Variants in MBIP observed in about 807,000 individuals in gnomAD.
MBIP encodes MAP3K12 binding inhibitory protein 1.
MBIP carries 32 observed loss-of-function variants against 45.7 expected under a neutral mutation model. The observed-to-expected ratio is 0.70, with a 90% CI of 0.53 to 0.94. The LOEUF (loss-of-function observed/expected upper bound fraction) is 0.94, where lower values mean the gene tolerates loss of function less well. Among genes scored for constraint, MBIP ranks in the 40% least tolerant of loss-of-function variants. The pLI is 0.00. For missense variants in MBIP, 381 were observed against 405.5 expected, an observed-to-expected ratio of 0.94 and a Z score of 0.52; for synonymous variants, 145 against 141.0, an observed-to-expected ratio of 1.03 and a Z score of -0.20.
chr14:36,306,965 A>T (rs1879916778), intron 7 of MBIP, among the ~76,000 whole-genome samples: 1 of 152,252 alleles, frequency 6.6e-6, no homozygotes, highest in Non-Finnish European at 1.5e-5. Flanking sequence ...ACGTTTATAC[A>T]GCTACTTTGT....
At chr14:36,301,290 G>A (rs1879533004) in intron 7 of MBIP, among the ~76,000 whole-genome samples, 1 of 152,176 alleles carries the variant, frequency 6.6e-6, no homozygotes, top group South Asian at 2.1e-4. Flanking sequence ...AGACACTGTG[G>A]TTGTTTATGC....
chr14:36,311,518 T>C, intron 6 of MBIP, 55 bp downstream of exon 6: 11 of 1,526,908 alleles, frequency 7.2e-6, no homozygotes, highest in Non-Finnish European at 8.0e-6. Flanking sequence ...TGAACTGCAA[T>C]TTTTTAACCA....
chr14:36,301,794 CT>C (rs1879572719), intron 7 of MBIP, among the ~76,000 whole-genome samples: 1 of 152,298 alleles, frequency 6.6e-6, no homozygotes, highest in Admixed American at 6.5e-5. Flanking sequence ...TCTTTCTAGA[CT>C]TTTTCTTAGT....
In MBIP at chr14:36,298,746, C is replaced by T; in HGVS notation, c.*337G>A. ...ACATCAATGTTACAAATATAAAGTC[C>T]TTTTAAAGTATCAATATCAAAATAA... On this transcript the variant is annotated 3_prime_UTR_variant, in exon 9 of 9. Transcript: ENST00000416007. 5.5e-6 allele frequency: 1 copy of T among 180,846 alleles called. No individual in the cohort carries two copies. 11.2% of individuals were successfully genotyped at this position (180,846 alleles called of 1,614,324 possible). A position where few individuals can be genotyped will look rare whatever the true frequency, so the allele number is the denominator to read the frequency against.
intron 4 of MBIP, chr14:36,313,189 C>A (rs995872746): frequency 1.3e-4 from 19 of 150,518 alleles, no homozygotes; most frequent in African/African-American, 4.4e-4. Context: ...AAAGGGCCAT[C>A]CTTTCTCCAT....
Position 36,316,564 on chromosome 14 carries a change from G to A in MBIP, c.249+129C>T, listed in dbSNP as rs138751127. The stretch of plus-strand genomic sequence containing the variant: ...AAATTAACAGATTTAGATTAAATCC[G>A]GATGTAAATAACGTTTTATTAGCAA... On this transcript the variant is annotated intron_variant, in intron 2 of 8. Transcript: ENST00000416007. The A allele has an allele frequency of 1.1e-4, 92 of 839,570 alleles. No homozygotes were observed. In the East Asian group the frequency reaches 2.0e-3, roughly 18 times the overall value. The allele number at this position is 839,570 out of a possible 1,614,324, so 52.0% of individuals were successfully genotyped here.
intron 8 of MBIP, among the ~76,000 whole-genome samples, chr14:36,299,542 T>C (rs1879412554): frequency 6.6e-6 from 1 of 151,770 alleles, no homozygotes; most frequent in Non-Finnish European, 1.5e-5. Flanking sequence ...AAACTGCCTA[T>C]TGGGTATTAT....
chr14:36,320,198 T>G (rs1880808017), intron 1 of MBIP, among the ~76,000 whole-genome samples: 1 of 151,986 alleles, frequency 6.6e-6, no homozygotes, highest in Admixed American at 6.5e-5. Flanking sequence ...AGCCTGCCTC[T>G]CTCGGAGCCG....
At chr14:36,302,081 A>C (rs1879592194) in intron 7 of MBIP, among the ~76,000 whole-genome samples, 1 of 152,244 alleles carries the variant, frequency 6.6e-6, no homozygotes, top group Non-Finnish European at 1.5e-5. Flanking sequence ...TCCTTTGCCA[A>C]ACCAAGCTGG....
intron 6 of MBIP, among the ~76,000 whole-genome samples, chr14:36,309,148 C>A (rs780758350): frequency 6.6e-6 from 1 of 152,150 alleles, no homozygotes; most frequent in African/African-American, 2.4e-5. Flanking sequence ...CCGCCATAAT[C>A]CCAAGTCAAT....
Position 36,314,837 on chromosome 14 carries a change from C to T in MBIP, c.328G>A (p.Gly110Arg). The T allele has an allele frequency of 6.2e-7, 1 of 1,613,354 alleles. No individual in the cohort carries two copies. Among genetic ancestry groups the T allele is most frequent in the East Asian group, 2.2e-5 (1 of 44,844 alleles). ...AVEEIGRTEM[G>R]NKNEVNDKFS... is the part of the protein sequence containing the mutation. ...TTGTCATTTACTTCATTTTTGTTCC[C>T]CATTTCTGTTCTTCCTATCTCTTCA... is the stretch of plus-strand genomic sequence containing the variant. Residue 110 changes from glycine (G) to arginine (R), a missense_variant, in exon 3 of 9, where the codon GGG (glycine) becomes AGG (arginine). Coordinates refer to ENST00000416007, the MANE Select transcript of MBIP (RefSeq NM_016586.3).
intron 6 of MBIP, among the ~76,000 whole-genome samples, chr14:36,310,402 C>T (rs1329132818): frequency 1.3e-5 from 2 of 152,196 alleles, no homozygotes; most frequent in East Asian, 3.9e-4. Flanking sequence ...TCCTACTAAT[C>T]CTTCAAGGCC....
At chr14:36,304,514 A>C (rs1354728681) in intron 7 of MBIP, among the ~76,000 whole-genome samples, 1 of 152,236 alleles carries the variant, frequency 6.6e-6, no homozygotes, top group Admixed American at 6.5e-5. Flanking sequence ...AAAATCAGTA[A>C]GTCTTTGGAA....
At chr14:36,310,024 TC>T (rs1880108906) in intron 6 of MBIP, among the ~76,000 whole-genome samples, 1 of 152,222 alleles carries the variant, frequency 6.6e-6, no homozygotes, top group East Asian at 1.9e-4. Flanking sequence ...TATGATTATA[TC>T]ATCTCAGTAT....
At chr14:36,300,120 A>G (rs1879447891) in intron 8 of MBIP, among the ~76,000 whole-genome samples, 2 of 152,220 alleles carry the variant, frequency 1.3e-5, no homozygotes, top group South Asian at 4.1e-4. Flanking sequence ...AATAACTTTT[A>G]AAAACCTGAT....
At chr14:36,320,406 G>A (rs1314163853) in intron 1 of MBIP, 54 bp downstream of exon 1, 7 of 1,611,456 alleles carry the variant, frequency 4.3e-6, no homozygotes, top group Non-Finnish European at 5.1e-6. Context: ...AAAAAGAATG[G>A]CGAGGAGGGA....
intron 8 of MBIP, among the ~76,000 whole-genome samples, chr14:36,299,460 TA>T (rs34724648): frequency 0.89 from 127,492 of 143,248 alleles, 56,787 homozygotes; most frequent in East Asian, 0.95. Flanking sequence ...AAGAATAAGT[TA>T]AAAAAAAAAA....
At chr14:36,299,678 T>C (rs949410426) in intron 8 of MBIP, among the ~76,000 whole-genome samples, 4 of 152,146 alleles carry the variant, frequency 2.6e-5, no homozygotes, top group African/African-American at 9.7e-5. Flanking sequence ...AAAATGCTAA[T>C]TATACTACTA....
Position 36,314,581 on chromosome 14 carries a change from C to T in MBIP, c.502G>A (p.Glu168Lys), listed in dbSNP as rs764543362. The T allele has an allele frequency of 2.5e-5, 41 of 1,611,346 alleles. No homozygotes were observed. Among genetic ancestry groups the T allele is most frequent in the Non-Finnish European group, 3.3e-5 (39 of 1,179,052 alleles). ...EIDRRISAFI[E>K]RKQAEINENN... ...TCATTGATTTCAGCTTGCTTTCTTT[C>T]AATAAATGCAGATATTCGTCTGTCA... The change falls in exon 4 of 9, where the codon GAA (glutamate) becomes AAA (lysine). Residue 168 changes from glutamate to lysine, a missense_variant. Transcript: ENST00000416007.
Sources: allele counts gnomAD v4.1 joint callset (sites outside exome capture counted in the v4.1 genomes callset), GRCh38; gene constraint gnomAD v4.1.1; transcripts MANE v1.5; gene names NCBI Gene and HGNC (gene_info 2026-07-23, HGNC 2026-07-21).